ENPP2: variants seen among roughly 807,000 people sequenced by gnomAD.
The protein encoded by ENPP2 is ectonucleotide pyrophosphatase/phosphodiesterase 2.
ENPP2 carries 51 observed loss-of-function variants against 120.2 expected under a neutral mutation model. The observed-to-expected ratio is 0.42, with a 90% CI of 0.34 to 0.54. The LOEUF is 0.54. ENPP2 is among the 20% of genes least tolerant of loss of function. The probability of loss-of-function intolerance (pLI) is 0.04; values close to 1 mark genes in which losing one functional copy is unlikely to be tolerated. For missense variants in ENPP2, 920 were observed against 1,066.5 expected (o/e 0.86, Z 1.91); for synonymous variants, 365 against 366.4 (o/e 1.00, Z 0.04).
At chr8:119,607,840 C>T in intron 9 of ENPP2, 82 bp downstream of exon 9, 1 of 876,134 alleles carries the variant, frequency 1.1e-6, no homozygotes. Flanking sequence ...TTAACTGAAA[C>T]AAAATAAAAC....
At chr8:119,661,097 C>T (rs994588943) in intron 1 of ENPP2, among the ~76,000 whole-genome samples, 54 of 152,064 alleles carry the variant, frequency 3.6e-4, no homozygotes, top group African/African-American at 1.3e-3. Flanking sequence ...GTTCTCACTC[C>T]TAAATGAGGG....
At chr8:119,592,473 C>CAAAAAAAA (rs61330053) in intron 12 of ENPP2, among the ~76,000 whole-genome samples, 10 of 54,922 alleles carry the variant, frequency 1.8e-4, no homozygotes, top group African/African-American at 2.9e-4. Context: ...AACTCCACCT[C>CAAAAAAAA]AAAAAAAAAA....
chr8:119,651,647 A>G (rs1817630542), intron 1 of ENPP2, among the ~76,000 whole-genome samples: 2 of 152,286 alleles, frequency 1.3e-5, no homozygotes, highest in South Asian at 4.1e-4. Context: ...ATACTTGATA[A>G]TGTTTCCTAA....
chr8:119,662,837 C>G (rs769893205), intron 1 of ENPP2, among the ~76,000 whole-genome samples: 11 of 152,134 alleles, frequency 7.2e-5, no homozygotes, highest in Non-Finnish European at 1.3e-4. Flanking sequence ...ATAGGCCAGG[C>G]GCAGTGCCTC....
At chr8:119,671,329 C>T (rs1818241288) in intron 1 of ENPP2, among the ~76,000 whole-genome samples, 1 of 151,956 alleles carries the variant, frequency 6.6e-6, no homozygotes, top group Admixed American at 6.6e-5. Flanking sequence ...TCATTTGACA[C>T]AGTGCAGAAA....
At chr8:119,639,092 T>G (rs990510722), upstream of ENPP2, among the ~76,000 whole-genome samples, 1 of 152,104 alleles carries the variant, frequency 6.6e-6, no homozygotes, top group African/African-American at 2.4e-5. Context: ...CCCATAACAG[T>G]GCATGTTCAT....
chr8:119,671,503 G>A (rs78006939), intron 1 of ENPP2, among the ~76,000 whole-genome samples: 1,609 of 152,304 alleles, frequency 0.011, 22 homozygotes, highest in African/African-American at 0.037. Context: ...AGATCAGACA[G>A]GGTTTGGTGA....
chr8:119,608,850 C>A, intron 8 of ENPP2, among the ~76,000 whole-genome samples: 1 of 152,132 alleles, frequency 6.6e-6, no homozygotes, highest in East Asian at 1.9e-4. Context: ...GGCAAACACT[C>A]GATAAATTTA....
chr8:119,572,208 TC>T (rs750372235), intron 19 of ENPP2: 13 of 1,555,638 alleles, frequency 8.4e-6, no homozygotes, highest in Non-Finnish European at 1.0e-5. Flanking sequence ...ATTAATGTTT[TC>T]CTTGTTTTCA....
intron 1 of ENPP2, among the ~76,000 whole-genome samples, chr8:119,647,871 G>C (rs867130326): frequency 4.6e-5 from 7 of 152,246 alleles, no homozygotes; most frequent in Middle Eastern, 6.8e-3. Context: ...TGGGCATGGT[G>C]GTGGGCGCCT....
chr8:119,632,448 T>C (rs1306724135), intron 2 of ENPP2, among the ~76,000 whole-genome samples: 4 of 152,254 alleles, frequency 2.6e-5, no homozygotes, highest in East Asian at 1.9e-4. Context: ...ATTCAAATGA[T>C]GTTATTTTAC....
At chr8:119,621,645 T>G in intron 3 of ENPP2, 126 bp from the exon 4 acceptor site, 1 of 928,086 alleles carries the variant, frequency 1.1e-6, no homozygotes, top group Non-Finnish European at 1.6e-6. Context: ...CTTGTGAAAT[T>G]TGAGTTGGCT....
chr8:119,631,916 A>G (rs752813373), intron 2 of ENPP2, among the ~76,000 whole-genome samples: 77 of 152,180 alleles, frequency 5.1e-4, no homozygotes, highest in Admixed American at 3.9e-4. Flanking sequence ...CACCCAGCCT[A>G]AGATGTTTAA....
chr8:119,568,358 T>C (rs1344358782), intron 21 of ENPP2, 106 bp from the exon 22 acceptor site: 2 of 688,068 alleles, frequency 2.9e-6, no homozygotes, highest in Non-Finnish European at 5.3e-6. Flanking sequence ...CCAAACAACA[T>C]GAAGTAAATG....
chr8:119,566,342 C>A (rs746515219), intron 22 of ENPP2, among the ~76,000 whole-genome samples: 2 of 152,142 alleles, frequency 1.3e-5, no homozygotes, highest in Admixed American at 6.5e-5. Context: ...GGGTGTCATG[C>A]GGTTCTGGCT....
At position 119,647,084 on chromosome 8, in the gene ENPP2, G is replaced by A. The variant is rs374165608; in HGVS notation, c.22-8557C>T. 1.3e-4 allele frequency among the ~76,000 whole-genome samples: 19 copies of A among 149,818 alleles called. No homozygotes were observed. In the East Asian group the frequency reaches 1.6e-3, roughly 13 times the overall value. The stretch of plus-strand genomic sequence containing the variant: ...ACAATCTTGGCTCACTGCAACCTCC[G>A]CCTCCCGGGTTCAAGCAATTCTCTG... On this transcript the variant is annotated intron_variant, in intron 1 of 25. Transcript: ENST00000427067.
chr8:119,578,158 C>A (rs1812478326), intron 19 of ENPP2, among the ~76,000 whole-genome samples: 1 of 152,210 alleles, frequency 6.6e-6, no homozygotes, highest in African/African-American at 2.4e-5. Flanking sequence ...TCAAACAATT[C>A]TCCTGCCTCA....
chr8:119,557,755 G>A, intron 24 of ENPP2, 64 bp from the exon 25 acceptor site: 1 of 1,393,738 alleles, frequency 7.2e-7, no homozygotes, highest in Non-Finnish European at 9.7e-7. Flanking sequence ...CAAATGGTCA[G>A]TTTACTCCAA....
intron 14 of ENPP2, 147 bp from the exon 15 acceptor site, chr8:119,586,460 T>C (rs1813118264): frequency 5.9e-6 from 4 of 674,450 alleles, no homozygotes; most frequent in Non-Finnish European, 1.0e-5. Flanking sequence ...TTAAATAATG[T>C]ATGCTGAAAA....
Sources: allele counts gnomAD v4.1 joint callset (sites outside exome capture counted in the v4.1 genomes callset), GRCh38; gene constraint gnomAD v4.1.1; transcripts MANE v1.5; gene names NCBI Gene and HGNC (gene_info 2026-07-23, HGNC 2026-07-21).